Variants in CNTN6 observed in about 807,000 individuals in gnomAD.
CNTN6 encodes the protein contactin 6.
A neutral mutation model predicts 122.8 loss-of-function variants in CNTN6; 137 were observed. That is an observed-to-expected ratio of 1.12 (90% confidence interval 0.97 to 1.29). The LOEUF (loss-of-function observed/expected upper bound fraction) is 1.29. Among genes scored for constraint, CNTN6 ranks in the 50% most tolerant of loss-of-function variants. The pLI is 0.00. For missense variants in CNTN6, 1,634 were observed against 1,223.4 expected, an observed-to-expected ratio of 1.34 and a Z score of -5.01; for synonymous variants, 570 against 426.0, an observed-to-expected ratio of 1.34 and a Z score of -4.16.
intron 1 of CNTN6, among the ~76,000 whole-genome samples, chr3:1,095,621 ATT>A (rs2090486751): frequency 6.6e-6 from 1 of 152,262 alleles, no homozygotes; most frequent in African/African-American, 2.4e-5. Context: ...CAATGGAGAT[ATT>A]ATGTCCAGAA....
intron 12 of CNTN6, among the ~76,000 whole-genome samples, chr3:1,362,244 C>T (rs573668019): frequency 1.3e-5 from 2 of 152,132 alleles, no homozygotes; most frequent in South Asian, 2.1e-4. Context: ...AAATCACTTA[C>T]ATTTTTGATC....
chr3:1,144,290 A>T (rs1490444653), intron 1 of CNTN6, among the ~76,000 whole-genome samples: 1 of 152,136 alleles, frequency 6.6e-6, no homozygotes, highest in Non-Finnish European at 1.5e-5. Flanking sequence ...TAAACGATAC[A>T]GGGGACTGGG....
In CNTN6 at chr3:1,296,243, G is replaced by T. The variant is rs190532200; in HGVS notation, c.658+439G>T. The stretch of plus-strand genomic sequence containing the variant: ...TTTGTTGTTCACCCTTTATTTACGT[G>T]GCTGGCAAAATGGAGGGAAAAGTTC... On this transcript the variant is annotated intron_variant, in intron 6 of 22. Transcript: ENST00000446702. Among the ~76,000 whole-genome samples the T allele has an allele frequency of 1.7e-4, 26 of 151,852 alleles. No homozygotes were observed. The East Asian group carries it at 4.8e-3, about 28-fold the overall frequency.
rs1490931971 is a variant in CNTN6 at position 1,297,878 on chromosome 3, A to C, written c.659-11A>C. 6.3e-7 allele frequency: 1 copy of C among 1,596,702 alleles called. No homozygotes were observed. On this transcript the variant is annotated splice_polypyrimidine_tract_variant and intron_variant, in intron 6 of 22. Coordinates refer to ENST00000446702, the MANE Select transcript of CNTN6 (RefSeq NM_001289080.2). The stretch of plus-strand genomic sequence containing the variant: ...TCCAGAAATGCTGCTAGCTCTTTTG[A>C]TATTTAACAGGTGTGATGGGGGAAT...
At chr3:1,220,328 A>G (rs377466301) in intron 2 of CNTN6, among the ~76,000 whole-genome samples, 13 of 152,206 alleles carry the variant, frequency 8.5e-5, no homozygotes, top group East Asian at 7.8e-4. Flanking sequence ...AGAGTGAGAC[A>G]CTGTCTCTAC....
chr3:1,255,706 C>G (rs570437152), intron 4 of CNTN6, among the ~76,000 whole-genome samples: 67 of 152,104 alleles, frequency 4.4e-4, no homozygotes, highest in African/African-American at 1.6e-3. Context: ...CAAGGTCTCA[C>G]TCTATTGCCC....
At chr3:1,361,140 C>A (rs1355855014) in intron 12 of CNTN6, among the ~76,000 whole-genome samples, 2 of 152,078 alleles carry the variant, frequency 1.3e-5, no homozygotes, top group East Asian at 3.9e-4. Context: ...TTGGTTTTCA[C>A]AACTGAAGGG....
Position 1,295,703 on chromosome 3 carries a change from T to C in CNTN6, c.557T>C (p.Val186Ala). ...ACGGGAAACTTGTACATTGCCAAAG[T>C]GGAACCATCAGATGTGGGCAACTAC... The part of the protein sequence containing the change: ...QETGNLYIAK[V>A]EPSDVGNYTC... Residue 186 changes from valine (V) to alanine (A), a missense_variant, in exon 6 of 23, where the codon GTG (valine) becomes GCG (alanine). Coordinates refer to ENST00000446702, the MANE Select transcript of CNTN6 (RefSeq NM_001289080.2). 1 of 1,614,088 alleles carries C rather than the reference T, an allele frequency of 6.2e-7. No individual in the cohort carries two copies. The highest frequency in any genetic ancestry group is 2.2e-5 in the East Asian group (1 of 44,882).
chr3:1,321,885 A>G (rs369328747), intron 8 of CNTN6, 51 bp downstream of exon 8: 186 of 1,436,922 alleles, frequency 1.3e-4, no homozygotes, highest in Admixed American at 2.4e-4. Context: ...AATGCCCTTC[A>G]TAATAAATTG....
At position 1,151,132 on chromosome 3, in the gene CNTN6, A is replaced by G. The variant is rs62229384; in HGVS notation, c.55+3069A>G. 9.8e-3 allele frequency among the ~76,000 whole-genome samples: 1,493 copies of G among 152,310 alleles called. 7 individuals carry two copies. The highest frequency in any genetic ancestry group is 0.015 in the Non-Finnish European group (1,006 of 68,034). ...AAGAAAATAAATATGTACTGTTTTA[A>G]GCCATAACATTTTTGGTAACTTTTA... On this transcript the variant is annotated intron_variant, in intron 2 of 22. Transcript: ENST00000446702.
At chr3:1,367,402 G>A (rs1329854001) in intron 12 of CNTN6, among the ~76,000 whole-genome samples, 1 of 151,950 alleles carries the variant, frequency 6.6e-6, no homozygotes, top group Admixed American at 6.6e-5. Flanking sequence ...GACATCCAGA[G>A]CTGGTTTCAT....
At chr3:1,280,111 T>C (rs1693108780) in intron 5 of CNTN6, among the ~76,000 whole-genome samples, 1 of 152,228 alleles carries the variant, frequency 6.6e-6, no homozygotes, top group South Asian at 2.1e-4. Context: ...TTTATGCTCT[T>C]ACGATGTTAT....
chr3:1,234,490 T>C (rs1184562941), intron 4 of CNTN6, among the ~76,000 whole-genome samples: 1 of 152,132 alleles, frequency 6.6e-6, no homozygotes, highest in African/African-American at 2.4e-5. Context: ...AAAGCAGTTA[T>C]ATGTGCTCCC....
At chr3:1,388,809 A>G (rs1352444637) in intron 20 of CNTN6, among the ~76,000 whole-genome samples, 3 of 149,494 alleles carry the variant, frequency 2.0e-5, no homozygotes, top group African/African-American at 7.5e-5. Context: ...AAGAAAGGGT[A>G]TCAGCAATGG....
chr3:1,308,938 T>G (rs1006264852), intron 7 of CNTN6, among the ~76,000 whole-genome samples: 1 of 152,204 alleles, frequency 6.6e-6, no homozygotes, highest in South Asian at 2.1e-4. Flanking sequence ...TCTTCTTTAG[T>G]AAGACGTCTG....
chr3:1,290,383 G>A (rs1035259583), intron 5 of CNTN6, among the ~76,000 whole-genome samples: 2 of 152,188 alleles, frequency 1.3e-5, no homozygotes, highest in African/African-American at 4.8e-5. Flanking sequence ...CTTAGAATGT[G>A]AGTAAGGTTG....
intron 11 of CNTN6, among the ~76,000 whole-genome samples, chr3:1,343,110 T>A (rs1435457731): frequency 1.3e-5 from 2 of 152,194 alleles, no homozygotes; most frequent in Non-Finnish European, 2.9e-5. Context: ...TAAATATGTT[T>A]TCTCTTCCTT....
intron 7 of CNTN6, among the ~76,000 whole-genome samples, chr3:1,315,534 AT>A (rs1221255921): frequency 6.6e-6 from 1 of 152,044 alleles, no homozygotes; most frequent in Non-Finnish European, 1.5e-5. Flanking sequence ...CAAGCTGGGT[AT>A]TTAGCTCAGA....
At chr3:1,235,430 C>A (rs1438103368) in intron 4 of CNTN6, among the ~76,000 whole-genome samples, 5 of 150,828 alleles carry the variant, frequency 3.3e-5, no homozygotes, top group Admixed American at 3.3e-4. Context: ...TCAAATATTT[C>A]TATTGTTTAT....
Sources: gnomAD v4.1 joint callset for allele counts (sites outside exome capture counted in the v4.1 genomes callset) on GRCh38, gnomAD v4.1.1 for gene constraint, MANE v1.5 for transcripts, NCBI Gene and HGNC (gene_info 2026-07-23, HGNC 2026-07-21) for gene names.